The following POGLUT3 variants were observed in gnomAD, a reference collection of about 807,000 sequenced individuals.
POGLUT3 encodes the protein protein O-glucosyltransferase 3.
A neutral mutation model predicts 54.3 loss-of-function variants in POGLUT3; 48 were observed. The observed-to-expected ratio is 0.88, with a 90% confidence interval of 0.70 to 1.12. POGLUT3 has a LOEUF of 1.12. POGLUT3 is among the 50% of genes most tolerant of loss of function. The probability of loss-of-function intolerance (pLI) is 0.00; values close to 1 mark genes in which losing one functional copy is unlikely to be tolerated. For missense variants in POGLUT3, 629 were observed against 618.7 expected (o/e 1.02, Z -0.18); for synonymous variants, 218 against 237.4 (o/e 0.92, Z 0.75).
At chr11:108,485,761 G>T (rs1482191494) in intron 3 of POGLUT3, among the ~76,000 whole-genome samples, 2 of 151,930 alleles carry the variant, frequency 1.3e-5, no homozygotes, top group Admixed American at 6.6e-5. Context: ...GGGTTCAAGG[G>T]ATTCTCCTAC....
At chr11:108,486,924 T>A (rs1388801106) in intron 2 of POGLUT3, 1 of 154,798 alleles carries the variant, frequency 6.5e-6, no homozygotes, top group Non-Finnish European at 1.4e-5. Context: ...TATACCCTCC[T>A]CCCTTTTGGA....
At position 108,490,981 on chromosome 11, in the gene POGLUT3, T is replaced by C. The variant is rs757361200; in HGVS notation, c.389A>G (p.Tyr130Cys). 7 of 1,613,516 alleles carry C rather than the reference T, an allele frequency of 4.3e-6. No homozygotes were observed. The African/African-American group carries it at 5.3e-5, about 12-fold the overall frequency. ...TAATAATCACTTACCTTTCAAAATA[T>C]AGGGAGACTGAGCCACATGTTCATC... is the stretch of plus-strand genomic sequence containing the variant. Reference protein sequence around the residue: ...YGDEHVAQSPYILKGPVYHEY... With the variant: ...YGDEHVAQSPCILKGPVYHEY... The change falls in exon 2 of 8, where the codon TAT (tyrosine) becomes TGT (cysteine). Residue 130 changes from tyrosine to cysteine, a missense_variant. Transcript: ENST00000323468.
At chr11:108,492,582 G>A (rs1240182391) in intron 1 of POGLUT3, among the ~76,000 whole-genome samples, 1 of 152,000 alleles carries the variant, frequency 6.6e-6, no homozygotes, top group Non-Finnish European at 1.5e-5. Context: ...ACTTTCTTTT[G>A]ATCTTTAAGG....
chr11:108,494,957 A>G (rs943256262), intron 1 of POGLUT3, among the ~76,000 whole-genome samples: 1 of 152,196 alleles, frequency 6.6e-6, no homozygotes, highest in Non-Finnish European at 1.5e-5. Flanking sequence ...CTGAAAATAA[A>G]GATACAGTTC....
chr11:108,481,394 T>TA lies in POGLUT3; in HGVS notation c.902-19dup, dbSNP rs761675574. The stretch of plus-strand genomic sequence containing the variant: ...GGAAGGCCCTACAAGTTTGAAGCCA[T>TA]AAAAAAATTAGGATTATGAATTTGA... On this transcript the variant is annotated intron_variant, in intron 4 of 7. Transcript: ENST00000323468. 4 of 1,539,260 alleles carry TA rather than the reference T, an allele frequency of 2.6e-6. No homozygotes were observed. The highest frequency in any genetic ancestry group is 3.5e-6 in the Non-Finnish European group (4 of 1,149,818).
At chr11:108,482,247 C>G in intron 3 of POGLUT3, 25 bp from the exon 4 acceptor site, 1 of 1,530,994 alleles carries the variant, frequency 6.5e-7, no homozygotes, top group Non-Finnish European at 9.0e-7. Flanking sequence ...AAACAAACAT[C>G]AGTGCTGGGA....
At position 108,498,102 on chromosome 11, in the gene POGLUT3, C is replaced by G. The variant is rs557207865; in HGVS notation, c.202+63G>C. On this transcript the variant is annotated intron_variant, in intron 1 of 7. Coordinates refer to ENST00000323468, the MANE Select transcript of POGLUT3 (RefSeq NM_153705.5). ...GCCACGCAGGCCGCGGGCGGACTCC[C>G]GGGCGGCGGGGACGCGCGGGGACCC... is the stretch of plus-strand genomic sequence containing the variant. 2.1e-5 allele frequency: 29 copies of G among 1,402,392 alleles called. 1 individual carries two copies. Among genetic ancestry groups the G allele is most frequent in the Middle Eastern group, 4.4e-4 (2 of 4,538 alleles). The allele number at this position is 1,402,392 out of a possible 1,614,324, so 86.9% of individuals were successfully genotyped here. A position where few individuals can be genotyped will look rare whatever the true frequency, so the allele number is the denominator to read the frequency against.
At position 108,477,801 on chromosome 11, in the gene POGLUT3, T is replaced by G. The variant is rs55794404; in HGVS notation, c.1294-90A>C. On this transcript the variant is annotated intron_variant, in intron 6 of 7. Coordinates refer to ENST00000323468, the MANE Select transcript of POGLUT3 (RefSeq NM_153705.5). The stretch of plus-strand genomic sequence containing the variant: ...AGTGTGAGGTGGGACAGATGTGGGG[T>G]TGAAAGTGAACAGCATGGGAAAGCC... 7,392 of 829,434 alleles carry G rather than the reference T, an allele frequency of 8.9e-3. 50 individuals are homozygous for G. Among genetic ancestry groups the G allele is most frequent in the Non-Finnish European group, 0.012 (5,811 of 480,248 alleles). 51.4% of individuals were successfully genotyped at this position (829,434 alleles called of 1,614,324 possible).
chr11:108,482,918 C>T (rs545026174), intron 3 of POGLUT3, among the ~76,000 whole-genome samples: 4 of 152,066 alleles, frequency 2.6e-5, no homozygotes, highest in African/African-American at 7.2e-5. Context: ...CCATCTTTGC[C>T]TCATGTGCCC....
chr11:108,493,978 T>C (rs766650365), intron 1 of POGLUT3, among the ~76,000 whole-genome samples: 34 of 152,282 alleles, frequency 2.2e-4, no homozygotes, highest in Admixed American at 6.5e-4. Flanking sequence ...CACGTTTGAT[T>C]TGGTAAGAAA....
In POGLUT3 at chr11:108,479,322, T is replaced by C; in HGVS notation, c.1272A>G (p.Leu424=). 1 of 1,610,408 alleles carries C rather than the reference T, an allele frequency of 6.2e-7. No individual in the cohort carries two copies. Among genetic ancestry groups the C allele is most frequent in the Non-Finnish European group, 8.5e-7 (1 of 1,179,342 alleles). Reference sequence around the variant, plus strand: ...ATACCTTAGCCCATTTAACTTTCTCTAATAAATCACTCAGATTTCTTTTAA... The same window carrying C: ...ATACCTTAGCCCATTTAACTTTCTCCAATAAATCACTCAGATTTCTTTTAA... ...VPIKRNLSDL[L]EKVKWAKEND... is the part of the protein sequence containing the mutation. The change falls in exon 6 of 8, where the codon TTA becomes TTG. Residue 424 remains leucine, a synonymous_variant. Transcript: ENST00000323468.
At position 108,475,472 on chromosome 11, in the gene POGLUT3, T is replaced by G. The variant is rs867361754; in HGVS notation, c.1399-520A>C. On this transcript the variant is annotated intron_variant, in intron 7 of 7. Transcript: ENST00000323468. ...AAATGGAGTTTTTTTTGTTTTTGTT[T>G]TTTTTTTTTTTTGAGACACGGTCTT... 7.5e-3 allele frequency among the ~76,000 whole-genome samples: 1,089 copies of G among 145,880 alleles called. 49 individuals carry two copies. Among genetic ancestry groups the G allele is most frequent in the African/African-American group, 0.024 (926 of 38,922 alleles).
intron 1 of POGLUT3, chr11:108,491,524 A>T: frequency 3.4e-6 from 1 of 290,854 alleles, no homozygotes; most frequent in South Asian, 7.3e-5. Context: ...CACCATGCCC[A>T]GCTAATTTTT....
rs34082898 is a variant in POGLUT3 at position 108,492,078 on chromosome 11, TCA to T, written c.203-913_203-912del. 2.7e-3 allele frequency among the ~76,000 whole-genome samples: 399 copies of T among 149,736 alleles called. 2 individuals are homozygous for T. Among genetic ancestry groups the T allele is most frequent in the South Asian group, 0.012 (56 of 4,700 alleles). On this transcript the variant is annotated intron_variant, in intron 1 of 7. Coordinates refer to ENST00000323468, the MANE Select transcript of POGLUT3 (RefSeq NM_153705.5). ...CTAGTTACCAGACTCTTGTACAAGC[TCA>T]CACACACACACACACACACAAACAC...
chr11:108,483,008 T>C (rs1475755316), intron 3 of POGLUT3, among the ~76,000 whole-genome samples: 2 of 152,204 alleles, frequency 1.3e-5, no homozygotes, highest in Non-Finnish European at 2.9e-5. Context: ...CTTGCCTAGA[T>C]TGCTGCAATA....
At chr11:108,494,176 C>T (rs1183225161) in intron 1 of POGLUT3, among the ~76,000 whole-genome samples, 2 of 152,146 alleles carry the variant, frequency 1.3e-5, no homozygotes, top group Non-Finnish European at 2.9e-5. Flanking sequence ...TAATGAGCAG[C>T]AGAGCCAATA....
chr11:108,491,130 T>C lies in POGLUT3; in HGVS notation c.240A>G (p.Ser80=), dbSNP rs748935165. The C allele has an allele frequency of 8.1e-6, 13 of 1,613,900 alleles. No homozygotes were observed. The highest frequency in any genetic ancestry group is 3.3e-5 in the Admixed American group (2 of 60,002). The change falls in exon 2 of 8, where the codon TCA becomes TCG. Residue 80 remains serine, a synonymous_variant. Coordinates refer to ENST00000323468, the MANE Select transcript of POGLUT3 (RefSeq NM_153705.5). The part of the protein sequence containing the change: ...TPFKVVVKSL[S]PKELVRIHVP... ...CATGTATCCGGACCAACTCTTTAGG[T>C]GAAAGAGATTTGACTACGACTTTGA...
At chr11:108,495,983 G>A (rs1484893850) in intron 1 of POGLUT3, among the ~76,000 whole-genome samples, 1 of 151,962 alleles carries the variant, frequency 6.6e-6, no homozygotes, top group Non-Finnish European at 1.5e-5. Flanking sequence ...TTTTTCGTTT[G>A]TTTAAATATA....
Position 108,477,686 on chromosome 11 carries a change from A to T in POGLUT3, c.1319T>A (p.Ile440Asn), listed in dbSNP as rs771115395. 6.2e-7 allele frequency: 1 copy of T among 1,612,540 alleles called. No homozygotes were observed. Among genetic ancestry groups the T allele is most frequent in the Non-Finnish European group, 8.5e-7 (1 of 1,178,694 alleles). ...AKENDEEAKK[I>N]AKEGQLMARD... ...AGCCATCAACTGTCCTTCTTTTGCA[A>T]TCTTCTTGGCTTCTTCATCATTTTC... Residue 440 changes from isoleucine (I) to asparagine (N), a missense_variant, in exon 7 of 8, where the codon ATT (isoleucine) becomes AAT (asparagine). Ile to Asn is a moderately radical substitution (Grantham distance 149). Transcript: ENST00000323468.
Sources: allele counts gnomAD v4.1 joint callset (sites outside exome capture counted in the v4.1 genomes callset), GRCh38; gene constraint gnomAD v4.1.1; transcripts MANE v1.5; gene names NCBI Gene and HGNC (gene_info 2026-07-23, HGNC 2026-07-21).